Variants in CHSY1 observed in about 807,000 individuals in gnomAD.
CHSY1 encodes N-acetylgalactosaminyl-proteoglycan 3-beta-glucuronosyltransferase 1.
A neutral mutation model predicts 59.8 loss-of-function variants in CHSY1; 13 were observed. The ratio of observed to expected loss-of-function variants is 0.22; its 90% CI spans 0.14 to 0.35. The LOEUF is 0.35. CHSY1 is among the 10% of genes least tolerant of loss of function. The pLI, the probability that CHSY1 is intolerant of heterozygous loss-of-function variation, is 1.00. For synonymous variants in CHSY1, 459 were observed against 401.2 expected (o/e 1.14, Z -1.72); for missense variants, 947 against 1,030.6 (o/e 0.92, Z 1.11).
intron 1 of CHSY1, among the ~76,000 whole-genome samples, chr15:101,246,658 T>C (rs1430900302): frequency 1.3e-5 from 2 of 152,176 alleles, no homozygotes; most frequent in Non-Finnish European, 2.9e-5. Context: ...TAGTCAACGG[T>C]ACATGGTGCT....
At position 101,228,047 on chromosome 15, in the gene CHSY1, C is replaced by T. The variant is rs369896170; in HGVS notation, c.816+7035G>A. On this transcript the variant is annotated intron_variant, in intron 2 of 2. Coordinates refer to ENST00000254190, the MANE Select transcript of CHSY1 (RefSeq NM_014918.5). ...CAAGAAAGTATGGCCCATACAAAGG[C>T]GGAAAAAGCAGCCAATACGGCGACA... Among the ~76,000 whole-genome samples, 59 of 151,258 alleles carry T rather than the reference C, an allele frequency of 3.9e-4. 1 individual carries two copies. Among genetic ancestry groups the T allele is most frequent in the Middle Eastern group, 3.4e-3 (1 of 292 alleles).
At chr15:101,235,615 T>C in intron 1 of CHSY1, 38 bp from the exon 2 acceptor site, 1 of 1,596,144 alleles carries the variant, frequency 6.3e-7, no homozygotes, top group East Asian at 2.2e-5. Context: ...GAACAGTTTA[T>C]TCCAAGCTGA....
At chr15:101,211,783 G>A (rs1386257536) in intron 2 of CHSY1, among the ~76,000 whole-genome samples, 1 of 152,102 alleles carries the variant, frequency 6.6e-6, no homozygotes, top group Non-Finnish European at 1.5e-5. Context: ...TACGACTTGA[G>A]AGGTGATTTC....
chr15:101,236,227 G>C (rs994953621), intron 1 of CHSY1, among the ~76,000 whole-genome samples: 1 of 152,204 alleles, frequency 6.6e-6, no homozygotes. Context: ...ATGAGGCGAG[G>C]AAGAAGGCTG....
At chr15:101,185,004 G>T (rs866250372) in intron 2 of CHSY1, among the ~76,000 whole-genome samples, 1 of 152,206 alleles carries the variant, frequency 6.6e-6, no homozygotes, top group Non-Finnish European at 1.5e-5. Context: ...CAACAGGTGA[G>T]CAGACACTCT....
intron 2 of CHSY1, among the ~76,000 whole-genome samples, chr15:101,196,168 C>A (rs1476529379): frequency 2.7e-5 from 4 of 146,024 alleles, no homozygotes; most frequent in Non-Finnish European, 5.9e-5. Context: ...ACCTGGGAGA[C>A]AGAGTGAGCC....
chr15:101,205,933 A>G (rs28590465), intron 2 of CHSY1, among the ~76,000 whole-genome samples: 1 of 151,458 alleles, frequency 6.6e-6, no homozygotes, highest in Non-Finnish European at 1.5e-5. Context: ...GCCTGGGCGA[A>G]AGAGAGAGAC....
chr15:101,197,693 C>T (rs1237853768), intron 2 of CHSY1, among the ~76,000 whole-genome samples: 3 of 152,062 alleles, frequency 2.0e-5, no homozygotes, highest in Non-Finnish European at 4.4e-5. Flanking sequence ...AATTACTATA[C>T]AGCAAAACCA....
intron 2 of CHSY1, among the ~76,000 whole-genome samples, chr15:101,208,327 G>A (rs563080485): frequency 6.6e-6 from 1 of 152,250 alleles, no homozygotes; most frequent in African/African-American, 2.4e-5. Flanking sequence ...AGAGATGGCA[G>A]ACTGCAAGGC....
chr15:101,211,608 A>T (rs2038683676), intron 2 of CHSY1, among the ~76,000 whole-genome samples: 1 of 152,238 alleles, frequency 6.6e-6, no homozygotes, highest in Non-Finnish European at 1.5e-5. Flanking sequence ...AGATTTAAGA[A>T]GTTCAGTGAA....
intron 2 of CHSY1, among the ~76,000 whole-genome samples, chr15:101,227,714 G>T (rs2038854561): frequency 6.6e-6 from 1 of 152,182 alleles, no homozygotes; most frequent in Non-Finnish European, 1.5e-5. Flanking sequence ...CCTGCTGAGT[G>T]TTCAGGGCAA....
Position 101,211,257 on chromosome 15 carries a change from G to A in CHSY1, c.816+23825C>T, listed in dbSNP as rs1386827842. Among the ~76,000 whole-genome samples the A allele has an allele frequency of 2.0e-5, 3 of 152,220 alleles. No individual in the cohort carries two copies. In the East Asian group the frequency reaches 5.8e-4, roughly 29 times the overall value. ...AAAAATCACTTGAACCTGGGAGATG[G>A]AGGTTGCAGTGAGCTGAGATTGCAC... On this transcript the variant is annotated intron_variant, in intron 2 of 2. Coordinates refer to ENST00000254190, the MANE Select transcript of CHSY1 (RefSeq NM_014918.5).
At chr15:101,191,938 T>C (rs1307235493) in intron 2 of CHSY1, among the ~76,000 whole-genome samples, 1 of 151,996 alleles carries the variant, frequency 6.6e-6, no homozygotes, top group Non-Finnish European at 1.5e-5. Context: ...ATATATAAAA[T>C]ACACTAAACT....
Position 101,235,512 on chromosome 15 carries a change from A to G in CHSY1, c.386T>C (p.Val129Ala). The G allele has an allele frequency of 6.2e-7, 1 of 1,613,986 alleles. No homozygotes were observed. The highest frequency in any genetic ancestry group is 8.5e-7 in the Non-Finnish European group (1 of 1,179,978). ...FFSSEGSDTS[V>A]PIPVVPLRGV... ...CCGTAGTGGCACTACTGGAATTGGT[A>G]CAGATGTGTCAGAACCCTCACTTGA... The change falls in exon 2 of 3, where the codon GTA becomes GCA. Residue 129 changes from valine (V) to alanine (A), a missense_variant. By Grantham distance (64) the Val-to-Ala change is moderately conservative (BLOSUM62 0). Transcript: ENST00000254190.
At chr15:101,196,524 G>T (rs2038508735) in intron 2 of CHSY1, among the ~76,000 whole-genome samples, 1 of 151,964 alleles carries the variant, frequency 6.6e-6, no homozygotes. Context: ...ATTATCTTAG[G>T]GTATAACTCA....
At chr15:101,236,224 G>A (rs899247900) in intron 1 of CHSY1, among the ~76,000 whole-genome samples, 8 of 152,290 alleles carry the variant, frequency 5.3e-5, no homozygotes, top group African/African-American at 1.7e-4. Context: ...GTCATGAGGC[G>A]AGGAAGAAGG....
chr15:101,251,515 T>G lies in CHSY1; in HGVS notation c.-59A>C, dbSNP rs965644282. On this transcript the variant is annotated 5_prime_UTR_variant, in exon 1 of 3. Transcript: ENST00000254190. ...CAGGCTCCGCGCGCCCTCAGCCCGCTGCCCCCGCCCGCGGAGGCCAGCCCG... is the reference window on the plus strand; with the variant it reads ...CAGGCTCCGCGCGCCCTCAGCCCGCGGCCCCCGCCCGCGGAGGCCAGCCCG... The G allele has an allele frequency of 1.5e-4, 13 of 87,932 alleles. No homozygotes were observed. The highest frequency in any genetic ancestry group is 2.1e-4 in the Non-Finnish European group (12 of 58,276). The allele number at this position is 87,932 out of a possible 1,614,324, so 5.4% of individuals were successfully genotyped here.
intron 2 of CHSY1, among the ~76,000 whole-genome samples, chr15:101,197,222 C>G (rs996640034): frequency 1.3e-5 from 2 of 152,154 alleles, no homozygotes; most frequent in Non-Finnish European, 2.9e-5. Context: ...TGGGGAGAGG[C>G]AATGCCTGGC....
chr15:101,183,600 A>G (rs1320130763), intron 2 of CHSY1, among the ~76,000 whole-genome samples: 2 of 152,242 alleles, frequency 1.3e-5, no homozygotes, highest in African/African-American at 4.8e-5. Flanking sequence ...CCTCTAAAGC[A>G]AGGAAAGAAA....
Sources: allele counts gnomAD v4.1 joint callset (sites outside exome capture counted in the v4.1 genomes callset), GRCh38; gene constraint gnomAD v4.1.1; transcripts MANE v1.5; gene names NCBI Gene and HGNC (gene_info 2026-07-23, HGNC 2026-07-21).